VPS13C: variants seen among roughly 807,000 people sequenced by gnomAD.
VPS13C encodes the protein intermembrane lipid transfer protein VPS13C.
Under a neutral mutation model 456.8 loss-of-function variants are expected in VPS13C, and 358 were observed. That is an observed-to-expected ratio of 0.78 (90% CI 0.72 to 0.86). VPS13C has a LOEUF of 0.86. Ranked by LOEUF, VPS13C falls within the 40% of genes least tolerant of loss-of-function variation. The pLI is 0.00. For synonymous variants in VPS13C, 1,578 were observed against 1,486.7 expected (o/e 1.06, Z -1.41); for missense variants, 4,818 against 4,385.4 (o/e 1.10, Z -2.79).
chr15:61,854,273 A>G lies in VPS13C; in HGVS notation c.*184T>C, dbSNP rs1384089467. ...GTAGAAGTGGACTGCTAGCATATACATGGTTACAAAATTAGAGTAAAAACT... is the reference window on the plus strand; with the variant it reads ...GTAGAAGTGGACTGCTAGCATATACGTGGTTACAAAATTAGAGTAAAAACT... On this transcript the variant is annotated 3_prime_UTR_variant, in exon 85 of 85. Transcript: ENST00000644861. 3.2e-6 allele frequency: 2 copies of G among 624,768 alleles called. No homozygotes were observed. The highest frequency in any genetic ancestry group is 2.8e-5 in the Admixed American group (1 of 36,098). The allele number at this position is 624,768 out of a possible 1,614,324, so 38.7% of individuals were successfully genotyped here.
At chr15:61,898,555 T>C (rs1198830722) in intron 66 of VPS13C, among the ~76,000 whole-genome samples, 250 of 152,160 alleles carry the variant, frequency 1.6e-3, no homozygotes, top group Non-Finnish European at 2.5e-3. Flanking sequence ...AGAGCTAACT[T>C]TCCTAAATAT....
At chr15:61,984,776 T>C in intron 19 of VPS13C, 81 bp downstream of exon 19, 1 of 1,412,428 alleles carries the variant, frequency 7.1e-7, no homozygotes, top group Non-Finnish European at 9.7e-7. Context: ...GCACTAATCA[T>C]TTTTAAACCT....
At chr15:62,048,572 A>G (rs927227701) in intron 1 of VPS13C, among the ~76,000 whole-genome samples, 2 of 152,156 alleles carry the variant, frequency 1.3e-5, no homozygotes, top group African/African-American at 4.8e-5. Flanking sequence ...ATATGTGAGC[A>G]TGTGTCTTTA....
Position 61,941,803 on chromosome 15 carries a change from C to G in VPS13C, c.5413G>C (p.Asp1805His), listed in dbSNP as rs1191029919. The G allele has an allele frequency of 6.2e-7, 1 of 1,613,194 alleles. No individual in the cohort carries two copies. The highest frequency in any genetic ancestry group is 1.7e-5 in the Admixed American group (1 of 59,992). Residue 1805 changes from aspartate (D) to histidine (H), a missense_variant, in exon 46 of 85, where the codon GAT (aspartate) becomes CAT (histidine). Asp to His is a moderately conservative substitution (Grantham distance 81). Coordinates refer to ENST00000644861, the MANE Select transcript of VPS13C (RefSeq NM_020821.3). ...TGAGTGAGTTCGATGTTCATTTTAT[C>G]AATGACTGGAGGAAGAGAATAATGT... ...MEHYSLPPVI[D>H]KMNIELTQLK... is the part of the protein sequence containing the mutation.
At chr15:62,021,316 C>G (rs2047452651) in intron 8 of VPS13C, among the ~76,000 whole-genome samples, 2 of 151,882 alleles carry the variant, frequency 1.3e-5, no homozygotes, top group Non-Finnish European at 1.5e-5. Context: ...GGCTTTCATA[C>G]TTGGAAATAT....
At chr15:61,873,482 A>G in intron 77 of VPS13C, 73 bp from the exon 78 acceptor site, 2 of 1,431,544 alleles carry the variant, frequency 1.4e-6, no homozygotes, top group Non-Finnish European at 1.9e-6. Flanking sequence ...AAGAAAACAA[A>G]TAATCTGATT....
In VPS13C at chr15:62,041,243, G is replaced by T. The variant is rs563365016; in HGVS notation, c.187+81C>A. 9.6e-6 allele frequency: 14 copies of T among 1,460,894 alleles called. No homozygotes were observed. The East Asian group carries it at 3.0e-4, about 32-fold the overall frequency. The allele number at this position is 1,460,894 out of a possible 1,614,324, so 90.5% of individuals were successfully genotyped here. A position where few individuals can be genotyped will look rare whatever the true frequency, so the allele number is the denominator to read the frequency against. On this transcript the variant is annotated intron_variant, in intron 3 of 84. Coordinates refer to ENST00000644861, the MANE Select transcript of VPS13C (RefSeq NM_020821.3). ...AAAATCTCTCACACTTTTAATCAAA[G>T]ATTTTTTTAGGTTAAATAACACAAG...
intron 81 of VPS13C, chr15:61,866,144 A>AGAATGAAAT: frequency 2.0e-6 from 2 of 985,004 alleles, no homozygotes; most frequent in Non-Finnish European, 2.4e-6. Context: ...AGATGGGCAA[A>AGAATGAAAT]GAATGAAATA....
rs762083465 is a variant in VPS13C, at chr15:61,874,874, A to G, written c.10414+2T>C. 1.3e-6 allele frequency: 2 copies of G among 1,588,722 alleles called. No individual in the cohort carries two copies. Among genetic ancestry groups the G allele is most frequent in the East Asian group, 2.3e-5 (1 of 43,900 alleles). On this transcript the variant is annotated splice_donor_variant, in intron 77 of 84. Coordinates refer to ENST00000644861, the MANE Select transcript of VPS13C (RefSeq NM_020821.3). LOFTEE classifies it high-confidence loss of function. ...ACATATACACAAATATGTGATACAT[A>G]CCTACTGTGTGTCCAAAGAGGCTTC...
chr15:61,907,549 T>C (rs970394706), intron 65 of VPS13C, among the ~76,000 whole-genome samples, 159 bp from the exon 66 acceptor site: 5 of 152,204 alleles, frequency 3.3e-5, no homozygotes, highest in Non-Finnish European at 5.9e-5. Flanking sequence ...AAATATCTAA[T>C]AAACTCATGG....
chr15:61,909,183 T>C (rs1596319333), intron 64 of VPS13C, 58 bp from the exon 65 acceptor site: 7 of 1,586,502 alleles, frequency 4.4e-6, no homozygotes, highest in Non-Finnish European at 5.1e-6. Flanking sequence ...CACTTACATA[T>C]GGAATTTCAA....
chr15:61,962,790 T>C lies in VPS13C; in HGVS notation c.3394A>G (p.Ile1132Val), dbSNP rs3784635. The stretch of plus-strand genomic sequence containing the variant: ...TTTGGATCAACATCTGTGACAATAA[T>C]ATTTTCTAGTCGGGCAAAAAGTGAC... ...KQSLFARLEN[I>V]IVTDVDPKTV... The change falls in exon 33 of 85, where the codon ATT (isoleucine) becomes GTT (valine). Residue 1132 changes from isoleucine to valine, a missense_variant. By Grantham distance (29) the Ile-to-Val change is conservative (BLOSUM62 3). This residue lies in a region of VPS13C where 4,552 missense variants were observed against 4,130.6 expected (regional missense o/e 1.10). Coordinates refer to ENST00000644861, the MANE Select transcript of VPS13C (RefSeq NM_020821.3). 0.041 allele frequency: 66,169 copies of C among 1,607,362 alleles called. 3,258 individuals carry two copies. Among genetic ancestry groups the C allele is most frequent in the East Asian group, 0.21 (9,527 of 44,622 alleles).
chr15:61,981,830 T>C (rs754277960), intron 21 of VPS13C, among the ~76,000 whole-genome samples: 12 of 151,646 alleles, frequency 7.9e-5, no homozygotes, highest in Non-Finnish European at 1.6e-4. Context: ...GCCACTGCAC[T>C]CCAGCCTGGG....
chr15:62,037,292 AT>A (rs1481393475), intron 3 of VPS13C, among the ~76,000 whole-genome samples: 1,627 of 69,788 alleles, frequency 0.023, 81 homozygotes, highest in East Asian at 0.091. Flanking sequence ...TATATATTAT[AT>A]TATATAATAT....
chr15:62,003,665 A>G (rs1383734576), intron 15 of VPS13C, among the ~76,000 whole-genome samples: 1 of 151,832 alleles, frequency 6.6e-6, no homozygotes, highest in Admixed American at 6.6e-5. Context: ...TTTTTCATAA[A>G]TAGCTCTTAT....
intron 3 of VPS13C, among the ~76,000 whole-genome samples, chr15:62,038,073 G>C (rs1293989160): frequency 6.6e-6 from 1 of 152,070 alleles, no homozygotes; most frequent in Non-Finnish European, 1.5e-5. Context: ...GATAAAGTTG[G>C]GAGAAAGGAT....
chr15:61,909,622 C>T (rs867965676), intron 64 of VPS13C, among the ~76,000 whole-genome samples: 4 of 152,284 alleles, frequency 2.6e-5, no homozygotes, highest in South Asian at 4.1e-4. Flanking sequence ...ATTTTGATAG[C>T]ATGGTTTACT....
At position 61,981,589 on chromosome 15, in the gene VPS13C, G is replaced by A. The variant is rs532753916; in HGVS notation, c.2030-111C>T. The A allele has an allele frequency of 1.8e-4, 204 of 1,124,664 alleles. 1 individual carries two copies. The African/African-American group carries it at 2.1e-3, about 12-fold the overall frequency. The allele number at this position is 1,124,664 out of a possible 1,614,324, so 69.7% of individuals were successfully genotyped here. On this transcript the variant is annotated intron_variant, in intron 21 of 84. Coordinates refer to ENST00000644861, the MANE Select transcript of VPS13C (RefSeq NM_020821.3). ...TTGAAAAGTATTACAGGTCGGGTGCGGTGGCTCACGCCTGTCATCCCAGCA... is the reference window on the plus strand; with the variant it reads ...TTGAAAAGTATTACAGGTCGGGTGCAGTGGCTCACGCCTGTCATCCCAGCA...
intron 83 of VPS13C, 143 bp downstream of exon 83, chr15:61,856,143 A>G: frequency 9.7e-7 from 1 of 1,033,018 alleles, no homozygotes; most frequent in Non-Finnish European, 1.3e-6. Flanking sequence ...CAGTTATTCA[A>G]ATAAATTGAT....
Sources: gnomAD v4.1 joint callset for allele counts (sites outside exome capture counted in the v4.1 genomes callset) on GRCh38, gnomAD v4.1.1 for gene constraint, gnomAD v4.1.1 regional missense constraint, MANE v1.5 for transcripts, NCBI Gene and HGNC (gene_info 2026-07-23, HGNC 2026-07-21) for gene names.